The following MAML3 variants were observed in gnomAD, a reference collection of about 807,000 sequenced individuals.
MAML3 encodes mastermind like transcriptional coactivator 3.
In MAML3, 27 loss-of-function variants were observed where a neutral mutation model predicts 101.9. That is an observed-to-expected ratio of 0.27 (90% CI 0.20 to 0.37). MAML3 has a LOEUF of 0.37. Ranked by LOEUF, MAML3 falls within the 10% of genes least tolerant of loss-of-function variation. The pLI is 1.00. For synonymous variants in MAML3, 501 were observed against 555.9 expected, an observed-to-expected ratio of 0.90 and a Z score of 1.39; for missense variants, 1,316 against 1,444.9, an observed-to-expected ratio of 0.91 and a Z score of 1.45.
chr4:139,873,636 C>G (rs1231607200), intron 2 of MAML3, among the ~76,000 whole-genome samples: 1 of 152,164 alleles, frequency 6.6e-6, no homozygotes, highest in Non-Finnish European at 1.5e-5. Context: ...TCAGGGGAAG[C>G]CAGCTGCCAT....
At chr4:140,068,271 C>A (rs532273815) in intron 1 of MAML3, among the ~76,000 whole-genome samples, 15 of 152,296 alleles carry the variant, frequency 9.8e-5, no homozygotes, top group African/African-American at 3.4e-4. Flanking sequence ...TCTCTATAAT[C>A]TTTGCAGATA....
At chr4:139,826,802 C>T (rs188019486) in intron 2 of MAML3, among the ~76,000 whole-genome samples, 2 of 152,226 alleles carry the variant, frequency 1.3e-5, no homozygotes, top group East Asian at 1.9e-4. Flanking sequence ...AACACAGACT[C>T]GACCCTTGCA....
chr4:139,732,959 T>G (rs1473311061), intron 2 of MAML3, among the ~76,000 whole-genome samples: 1 of 152,240 alleles, frequency 6.6e-6, no homozygotes, highest in East Asian at 1.9e-4. Context: ...GATCTTACAC[T>G]AAAAAATGCC....
chr4:140,120,957 A>C (rs981403097), intron 1 of MAML3, among the ~76,000 whole-genome samples: 8 of 150,212 alleles, frequency 5.3e-5, no homozygotes, highest in Non-Finnish European at 1.0e-4. Context: ...TTTGGGCTAA[A>C]CACCGAATCC....
Position 139,889,806 on chromosome 4 carries a change from G to T in MAML3, c.1630C>A (p.Pro544Thr), listed in dbSNP as rs1156604748. 2 of 1,613,978 alleles carry T rather than the reference G, an allele frequency of 1.2e-6. No homozygotes were observed. The highest frequency in any genetic ancestry group is 1.1e-5 in the South Asian group (1 of 91,082). The change falls in exon 2 of 5, where the codon CCC becomes ACC. Residue 544 changes from proline (P) to threonine (T), a missense_variant. By Grantham distance (38) the Pro-to-Thr change is conservative. Transcript: ENST00000509479. ...GGGTTTTGGTTGTTAAAGGCTTGGG[G>T]GTACATCATTGGGCTATTTGGTTTT... ...AEKPNSPMMY[P>T]QAFNNQNPIV...
At chr4:140,046,109 CATGGAAGAGCTGT>C (rs1235738695) in intron 1 of MAML3, among the ~76,000 whole-genome samples, 2 of 152,288 alleles carry the variant, frequency 1.3e-5, no homozygotes, top group African/African-American at 4.8e-5. Flanking sequence ...CTTTCAGGCA[CATGGAAGAGCTGT>C]ACTTCCTGGC....
At chr4:139,826,971 G>A (rs1429103171) in intron 2 of MAML3, among the ~76,000 whole-genome samples, 1 of 152,102 alleles carries the variant, frequency 6.6e-6, no homozygotes, top group African/African-American at 2.4e-5. Context: ...CAAGAGTTGA[G>A]GACAAAAAGA....
intron 4 of MAML3, among the ~76,000 whole-genome samples, chr4:139,725,409 A>G (rs1428022151): frequency 6.6e-6 from 1 of 152,204 alleles, no homozygotes; most frequent in Admixed American, 6.5e-5. Flanking sequence ...TATGCAGCCA[A>G]CAGGCACCAG....
intron 2 of MAML3, among the ~76,000 whole-genome samples, chr4:139,857,398 C>T (rs1388537479): frequency 6.6e-6 from 1 of 152,066 alleles, no homozygotes; most frequent in Non-Finnish European, 1.5e-5. Context: ...AAAGTTGCCA[C>T]TGCCAGATTC....
At chr4:140,106,900 C>T (rs751609604) in intron 1 of MAML3, among the ~76,000 whole-genome samples, 1 of 152,108 alleles carries the variant, frequency 6.6e-6, no homozygotes, top group Admixed American at 6.5e-5. Context: ...GATGGAGTTT[C>T]GCTCTTGTCG....
intron 2 of MAML3, among the ~76,000 whole-genome samples, chr4:139,829,012 AGGAAGGAAGGACGGAC>A (rs759662983): frequency 2.0e-4 from 27 of 136,728 alleles, no homozygotes; most frequent in South Asian, 7.1e-4. Context: ...GAAGGAAGGA[AGGAAGGAAGGACGGAC>A]GGACGGACTA....
At chr4:139,933,319 C>A (rs1437320483) in intron 1 of MAML3, among the ~76,000 whole-genome samples, 2 of 152,136 alleles carry the variant, frequency 1.3e-5, no homozygotes, top group Non-Finnish European at 2.9e-5. Flanking sequence ...CATGAGCATC[C>A]TTAGAGCCAA....
chr4:140,092,373 T>A (rs1728075094), intron 1 of MAML3, among the ~76,000 whole-genome samples: 2 of 151,990 alleles, frequency 1.3e-5, no homozygotes, highest in Admixed American at 6.5e-5. Context: ...GGGAAGATCA[T>A]CAACAAGGCA....
At chr4:139,835,371 T>C (rs6818040) in intron 2 of MAML3, among the ~76,000 whole-genome samples, 2,188 of 152,318 alleles carry the variant, frequency 0.014, 58 homozygotes, top group African/African-American at 0.05. Flanking sequence ...ACTAAAGACA[T>C]GTGAGCTCAG....
chr4:139,805,124 C>T (rs1317548294), intron 2 of MAML3, among the ~76,000 whole-genome samples: 2 of 152,240 alleles, frequency 1.3e-5, no homozygotes, highest in Non-Finnish European at 2.9e-5. Context: ...GCGGAGGTTG[C>T]GGTGAGCCGA....
At chr4:140,131,507 C>T (rs910163740) in intron 1 of MAML3, among the ~76,000 whole-genome samples, 1 of 152,196 alleles carries the variant, frequency 6.6e-6, no homozygotes, top group Non-Finnish European at 1.5e-5. Context: ...TAGAAGGTAA[C>T]AAGCCAGGAA....
rs570485694 is a variant in MAML3 at position 139,737,022 on chromosome 4, T to G, written c.2080-6355A>C. Among the ~76,000 whole-genome samples the G allele has an allele frequency of 5.9e-5, 9 of 152,280 alleles. No homozygotes were observed. In the East Asian group the frequency reaches 1.7e-3, roughly 29 times the overall value. On this transcript the variant is annotated intron_variant, in intron 2 of 4. Transcript: ENST00000509479. ...GAGCCCATGGCTGAAAGGAGCCAAT[T>G]CTTCCAGGACGGACTACTCCAGTTG...
At position 139,889,712 on chromosome 4, in the gene MAML3, A is replaced by C. The variant is rs1252754137; in HGVS notation, c.1724T>G (p.Met575Arg). The change falls in exon 2 of 5, where the codon ATG (methionine) becomes AGG (arginine). Residue 575 changes from methionine to arginine, a missense_variant. Transcript: ENST00000509479. ...TMNNYLPQNHMNMINQQPNNL... is the reference protein window; with the variant it reads ...TMNNYLPQNHRNMINQQPNNL... Reference sequence around the variant, plus strand: ...ATTTGGCTGCTGATTGATCATATTCATGTGATTCTGAGGGAGGTAGTTATT... The same window carrying C: ...ATTTGGCTGCTGATTGATCATATTCCTGTGATTCTGAGGGAGGTAGTTATT... 2 of 1,613,802 alleles carry C rather than the reference A, an allele frequency of 1.2e-6. No homozygotes were observed. The highest frequency in any genetic ancestry group is 1.7e-6 in the Non-Finnish European group (2 of 1,179,890).
At chr4:139,864,923 CTTTTTTTTTTTTTTT>C (rs56361332) in intron 2 of MAML3, among the ~76,000 whole-genome samples, 6 of 62,456 alleles carry the variant, frequency 9.6e-5, no homozygotes, top group Non-Finnish European at 1.8e-4. Context: ...TGCAAACTTG[CTTTTTTTTTTTTTTT>C]TTTTTTTTTT....
Sources: gnomAD v4.1 joint callset for allele counts (sites outside exome capture counted in the v4.1 genomes callset) on GRCh38, gnomAD v4.1.1 for gene constraint, MANE v1.5 for transcripts, NCBI Gene and HGNC (gene_info 2026-07-23, HGNC 2026-07-21) for gene names.